Variants in TMTC2 observed in about 807,000 individuals in gnomAD.
The protein encoded by TMTC2 is protein O-mannosyl-transferase TMTC2.
TMTC2 carries 43 observed loss-of-function variants against 82.4 expected under a neutral mutation model. That is an observed-to-expected ratio of 0.52 (90% CI 0.41 to 0.67). The LOEUF (loss-of-function observed/expected upper bound fraction) is 0.67, where lower values mean the gene tolerates loss of function less well. TMTC2 is among the 30% of genes least tolerant of loss of function. The pLI, the probability that TMTC2 is intolerant of heterozygous loss-of-function variation, is 0.00. For synonymous variants in TMTC2, 408 were observed against 381.9 expected (o/e 1.07, Z -0.80); for missense variants, 919 against 1,012.4 (o/e 0.91, Z 1.25).
chr12:82,938,879 A>G (rs1160206822), intron 4 of TMTC2, among the ~76,000 whole-genome samples: 1 of 152,192 alleles, frequency 6.6e-6, no homozygotes, highest in Non-Finnish European at 1.5e-5. Flanking sequence ...CTCCTCTAGT[A>G]TAGATCTTAC....
intron 1 of TMTC2, among the ~76,000 whole-genome samples, chr12:82,799,697 A>G (rs886152950): frequency 1.3e-5 from 2 of 152,086 alleles, no homozygotes; most frequent in Non-Finnish European, 1.5e-5. Flanking sequence ...TCATCTTCAC[A>G]TAGTATTCTC....
chr12:82,689,275 G>A (rs370666530), intron 1 of TMTC2, among the ~76,000 whole-genome samples: 4 of 151,560 alleles, frequency 2.6e-5, no homozygotes, highest in African/African-American at 9.7e-5. Context: ...TGAATAGTAA[G>A]CATTTAAACC....
chr12:82,848,168 A>G (rs1472897584), intron 1 of TMTC2, among the ~76,000 whole-genome samples: 4 of 152,118 alleles, frequency 2.6e-5, no homozygotes, highest in Non-Finnish European at 5.9e-5. Context: ...TACATGACAG[A>G]GTAATGCCAG....
At chr12:82,916,004 A>C (rs1023249547) in intron 3 of TMTC2, among the ~76,000 whole-genome samples, 2 of 152,228 alleles carry the variant, frequency 1.3e-5, no homozygotes, top group African/African-American at 4.8e-5. Context: ...GACCAGCTTG[A>C]TCAACATAGA....
chr12:82,894,581 T>C (rs1232632019), intron 2 of TMTC2, among the ~76,000 whole-genome samples: 1 of 152,210 alleles, frequency 6.6e-6, no homozygotes, highest in Non-Finnish European at 1.5e-5. Context: ...CTGTAAAGAA[T>C]GGCTTTACCA....
In TMTC2 at chr12:82,731,316, C is replaced by G. The variant is rs569833897; in HGVS notation, c.83+43647C>G. 9.2e-5 allele frequency among the ~76,000 whole-genome samples: 14 copies of G among 152,326 alleles called. No individual in the cohort carries two copies. In the South Asian group the frequency reaches 2.7e-3, roughly 29 times the overall value. ...TGCGTAGGTTGCCAACGTGGGGCTC[C>G]AGAGTGTCTGGCCCTGTGGTTTTAA... On this transcript the variant is annotated intron_variant, in intron 1 of 11. Transcript: ENST00000321196.
chr12:83,004,722 ATTTTTTTTTTTTTTTTTTTTTTTTT>A (rs528076999), intron 8 of TMTC2, among the ~76,000 whole-genome samples: 616 of 36,044 alleles, frequency 0.017, 14 homozygotes, highest in African/African-American at 0.033. Flanking sequence ...TACTGGCCGA[ATTTTTTTTTTTTTTTTTTTTTTTTT>A]TTTTTTTTTT....
At chr12:82,839,349 A>C (rs958208384) in intron 1 of TMTC2, among the ~76,000 whole-genome samples, 2 of 152,184 alleles carry the variant, frequency 1.3e-5, no homozygotes, top group Non-Finnish European at 2.9e-5. Context: ...GAGTGACCAT[A>C]GTAAAGTGCA....
intron 8 of TMTC2, among the ~76,000 whole-genome samples, chr12:83,024,539 A>G (rs188003748): frequency 9.8e-5 from 15 of 152,306 alleles, no homozygotes; most frequent in African/African-American, 3.6e-4. Context: ...AACACCAGAC[A>G]TATGGAAGTG....
chr12:82,888,011 G>A (rs1006682454), intron 2 of TMTC2, among the ~76,000 whole-genome samples: 5 of 152,092 alleles, frequency 3.3e-5, no homozygotes, highest in East Asian at 1.9e-4. Flanking sequence ...CCCAGGAGGC[G>A]GAGGTTGCAG....
intron 7 of TMTC2, among the ~76,000 whole-genome samples, chr12:82,977,965 T>A: frequency 6.6e-6 from 1 of 151,856 alleles, no homozygotes; most frequent in South Asian, 2.1e-4. Context: ...ACTAGCAAAA[T>A]ATTTTACTAT....
At chr12:83,112,533 G>T (rs1294398006) in intron 11 of TMTC2, among the ~76,000 whole-genome samples, 1 of 152,102 alleles carries the variant, frequency 6.6e-6, no homozygotes, top group Non-Finnish European at 1.5e-5. Context: ...CCATTTCAAG[G>T]CACTGCAATT....
rs149719113 is a variant in TMTC2 at position 82,786,349 on chromosome 12, A to C, written c.84-70661A>C. Among the ~76,000 whole-genome samples the C allele has an allele frequency of 9.9e-5, 15 of 152,202 alleles. No homozygotes were observed. The East Asian group carries it at 2.9e-3, about 29-fold the overall frequency. On this transcript the variant is annotated intron_variant, in intron 1 of 11. Transcript: ENST00000321196. ...GTTTAAATAATGGTATAAGGCAATA[A>C]TGGAAAGGTATCACAAGGTATAGTA...
intron 1 of TMTC2, among the ~76,000 whole-genome samples, chr12:82,693,649 A>C (rs1042233932): frequency 6.6e-6 from 1 of 151,926 alleles, no homozygotes; most frequent in African/African-American, 2.4e-5. Context: ...TATATTTGTC[A>C]GTTGTTTTGA....
In TMTC2 at chr12:82,733,837, A is replaced by T. The variant is rs114218704; in HGVS notation, c.83+46168A>T. On this transcript the variant is annotated intron_variant, in intron 1 of 11. Transcript: ENST00000321196. ...GATGGAGCATATTCCAGTAAATATC[A>T]TATATTTACATAGCTGTGGAACTGG... Among the ~76,000 whole-genome samples, 407 of 152,300 alleles carry T rather than the reference A, an allele frequency of 2.7e-3. 1 individual carries two copies. Among genetic ancestry groups the T allele is most frequent in the African/African-American group, 8.9e-3 (368 of 41,570 alleles).
At chr12:82,905,736 G>C (rs1391051567) in intron 3 of TMTC2, among the ~76,000 whole-genome samples, 1 of 152,108 alleles carries the variant, frequency 6.6e-6, no homozygotes, top group African/African-American at 2.4e-5. Flanking sequence ...CCTGAGGTCA[G>C]GAGTTCAAGA....
chr12:82,708,692 C>G (rs570253005), intron 1 of TMTC2, among the ~76,000 whole-genome samples: 1 of 152,162 alleles, frequency 6.6e-6, no homozygotes, highest in South Asian at 2.1e-4. Flanking sequence ...CTACGATGCT[C>G]GAGTTGCTGT....
rs118010024 is a variant in TMTC2 at position 82,786,152 on chromosome 12, A to C, written c.84-70858A>C. 1.5e-3 allele frequency among the ~76,000 whole-genome samples: 231 copies of C among 152,204 alleles called. 1 individual carries two copies. The highest frequency in any genetic ancestry group is 1.9e-3 in the Non-Finnish European group (128 of 67,990). ...TGCCTTAGATTTCCTTTCCACTAAG[A>C]AGCCATAGAGAAAATCATCTAATAT... On this transcript the variant is annotated intron_variant, in intron 1 of 11. Transcript: ENST00000321196.
chr12:82,839,597 A>G lies in TMTC2; in HGVS notation c.84-17413A>G, dbSNP rs549062735. On this transcript the variant is annotated intron_variant, in intron 1 of 11. Coordinates refer to ENST00000321196, the MANE Select transcript of TMTC2 (RefSeq NM_152588.3). ...AAGTGGCCATCTTTAAAAACATAAT[A>G]AAGTGTGTAATTGGAAATGCCTGGC... Among the ~76,000 whole-genome samples, 13 of 152,312 alleles carry G rather than the reference A, an allele frequency of 8.5e-5. No individual in the cohort carries two copies. In the South Asian group the frequency reaches 2.5e-3, roughly 29 times the overall value.
Sources: gnomAD v4.1 joint callset for allele counts (sites outside exome capture counted in the v4.1 genomes callset) on GRCh38, gnomAD v4.1.1 for gene constraint, MANE v1.5 for transcripts, NCBI Gene and HGNC (gene_info 2026-07-23, HGNC 2026-07-21) for gene names.